CRISPLD2: variants seen among roughly 807,000 people sequenced by gnomAD.
CRISPLD2 encodes cysteine rich secretory protein LCCL domain containing 2.
A neutral mutation model predicts 71.1 loss-of-function variants in CRISPLD2; 47 were observed. That is an observed-to-expected ratio of 0.66 (90% confidence interval 0.52 to 0.84). The LOEUF (loss-of-function observed/expected upper bound fraction) is 0.84. Ranked by LOEUF, CRISPLD2 falls within the 40% of genes least tolerant of loss-of-function variation. CRISPLD2 has a pLI of 0.00. For synonymous variants in CRISPLD2, 317 were observed against 250.1 expected, an observed-to-expected ratio of 1.27 and a Z score of -2.52; for missense variants, 830 against 651.1, an observed-to-expected ratio of 1.27 and a Z score of -2.99.
intron 3 of CRISPLD2, among the ~76,000 whole-genome samples, chr16:84,847,940 G>A (rs1051980569): frequency 8.5e-5 from 13 of 152,164 alleles, no homozygotes; most frequent in African/African-American, 2.9e-4. Context: ...AAGTTGACCC[G>A]TTGGCTCTTG....
At chr16:84,867,983 G>A (rs553268244) in intron 7 of CRISPLD2, among the ~76,000 whole-genome samples, 5 of 152,306 alleles carry the variant, frequency 3.3e-5, no homozygotes, top group South Asian at 2.1e-4. Context: ...GTGGAGGGGC[G>A]TTTTTGCTCA....
chr16:84,867,342 G>T (rs898190812), intron 7 of CRISPLD2, among the ~76,000 whole-genome samples: 3 of 152,224 alleles, frequency 2.0e-5, no homozygotes, highest in African/African-American at 7.2e-5. Context: ...CTGAAGTTGG[G>T]TTCCTCTGGG....
At position 84,838,629 on chromosome 16, in the gene CRISPLD2, C is replaced by G. The variant is rs867693538; in HGVS notation, c.134C>G (p.Ser45Cys). 3 of 1,614,248 alleles carry G rather than the reference C, an allele frequency of 1.9e-6. No homozygotes were observed. The highest frequency in any genetic ancestry group is 2.2e-5 in the East Asian group (1 of 44,878). The change falls in exon 2 of 15, where the codon TCC becomes TGC. Residue 45 changes from serine (S) to cysteine (C), a missense_variant. By Grantham distance (112) the Ser-to-Cys change is moderately radical. Coordinates refer to ENST00000262424, the MANE Select transcript of CRISPLD2 (RefSeq NM_031476.4). ...LSKYQHNESHSRVRRAIPRED... is the reference protein window; with the variant it reads ...LSKYQHNESHCRVRRAIPRED... ...AAATACCAGCACAACGAGTCTCACT[C>G]CCGGGTCCGCAGAGCCATCCCCAGG...
Position 84,844,643 on chromosome 16 carries a change from G to A in CRISPLD2, c.241-1143G>A, listed in dbSNP as rs3937889. Among the ~76,000 whole-genome samples the A allele has an allele frequency of 3.4e-3, 514 of 152,162 alleles. 5 individuals are homozygous for A. Among genetic ancestry groups the A allele is most frequent in the Admixed American group, 0.023 (352 of 15,274 alleles). On this transcript the variant is annotated intron_variant, in intron 2 of 14. Coordinates refer to ENST00000262424, the MANE Select transcript of CRISPLD2 (RefSeq NM_031476.4). The stretch of plus-strand genomic sequence containing the variant: ...CTCGCAAAGTTCTGGGATTACAGGC[G>A]TGAGCCACTGCTCCGGGCCCATCTC...
intron 9 of CRISPLD2, 73 bp from the exon 10 acceptor site, chr16:84,872,919 T>G (rs2071483753): frequency 1.3e-6 from 2 of 1,532,702 alleles, no homozygotes. Flanking sequence ...GGACAAATGT[T>G]TGGGTATTTC....
chr16:84,848,401 A>C (rs957115495), intron 3 of CRISPLD2, among the ~76,000 whole-genome samples: 1 of 151,392 alleles, frequency 6.6e-6, no homozygotes, highest in East Asian at 1.9e-4. Context: ...CTTTGTTTAT[A>C]CTTGCTGGTG....
At chr16:84,845,710 G>T in intron 2 of CRISPLD2, 76 bp from the exon 3 acceptor site, 1 of 953,236 alleles carries the variant, frequency 1.0e-6, no homozygotes, top group Non-Finnish European at 1.6e-6. Context: ...CCCAGGCTGG[G>T]GCGTTGCTGT....
At chr16:84,844,632 G>C (rs1288963924) in intron 2 of CRISPLD2, among the ~76,000 whole-genome samples, 1 of 152,026 alleles carries the variant, frequency 6.6e-6, no homozygotes, top group African/African-American at 2.4e-5. Flanking sequence ...CAAAGTTCTG[G>C]GATTACAGGC....
intron 2 of CRISPLD2, among the ~76,000 whole-genome samples, chr16:84,843,764 A>T (rs191528555): frequency 6.6e-6 from 1 of 152,330 alleles, no homozygotes; most frequent in Non-Finnish European, 1.5e-5. Flanking sequence ...TGGTTACAGT[A>T]TGCAAGGCAG....
At chr16:84,900,979 G>A (rs1185181165) in intron 14 of CRISPLD2, among the ~76,000 whole-genome samples, 1 of 150,778 alleles carries the variant, frequency 6.6e-6, no homozygotes, top group Admixed American at 6.6e-5. Flanking sequence ...GAGCCCAGGA[G>A]GTTGAGGCTG....
chr16:84,874,094 A>G, intron 11 of CRISPLD2, 131 bp downstream of exon 11: 1 of 844,564 alleles, frequency 1.2e-6, no homozygotes, highest in Non-Finnish European at 1.9e-6. Flanking sequence ...ATCATTGTCA[A>G]GCCTTTTTCA....
intron 2 of CRISPLD2, chr16:84,842,351 C>G (rs1430324139): frequency 1.6e-5 from 2 of 123,830 alleles, no homozygotes; most frequent in African/African-American, 2.9e-5. Context: ...TTCTTTCCTT[C>G]CTTCTTTCCT....
rs780315187 is a variant in CRISPLD2 at position 84,884,893 on chromosome 16, G to A, written c.1305+4309G>A. Among the ~76,000 whole-genome samples, 14 of 152,292 alleles carry A rather than the reference G, an allele frequency of 9.2e-5. No individual in the cohort carries two copies. The East Asian group carries it at 9.7e-4, about 11-fold the overall frequency. Reference sequence around the variant, plus strand: ...TCAACCAGGAGGGTGCCCCTCCCCCGCCAGGGCTTTTAGAGGTTGAGTTTG... The same window carrying A: ...TCAACCAGGAGGGTGCCCCTCCCCCACCAGGGCTTTTAGAGGTTGAGTTTG... On this transcript the variant is annotated intron_variant, in intron 13 of 14. Coordinates refer to ENST00000262424, the MANE Select transcript of CRISPLD2 (RefSeq NM_031476.4).
rs2071819446 is a variant in CRISPLD2 at position 84,907,940 on chromosome 16, C to T, written c.*1298C>T. 2.6e-5 allele frequency: 4 copies of T among 152,196 alleles called. No individual in the cohort carries two copies. The South Asian group carries it at 8.3e-4, about 32-fold the overall frequency. 9.4% of individuals were successfully genotyped at this position (152,196 alleles called of 1,614,324 possible). ...AAAGCCCACAGTGAAATGAAGTACC[C>T]TTTTGTAAATAGCATTTTTTTGCAG... On this transcript the variant is annotated 3_prime_UTR_variant, in exon 15 of 15. Transcript: ENST00000262424.
At chr16:84,896,927 G>T (rs563303536) in intron 14 of CRISPLD2, among the ~76,000 whole-genome samples, 2 of 152,334 alleles carry the variant, frequency 1.3e-5, no homozygotes, top group South Asian at 4.1e-4. Flanking sequence ...TTCCCTGTCT[G>T]CCTCTGGAAC....
chr16:84,885,256 C>G (rs774205), intron 13 of CRISPLD2, among the ~76,000 whole-genome samples: 61,041 of 146,820 alleles, frequency 0.42, 12,972 homozygotes, highest in East Asian at 0.68. Context: ...GCTTACCAAA[C>G]TCGCCCCCGC....
chr16:84,872,410 C>T (rs757377904), intron 8 of CRISPLD2, 32 bp from the exon 9 acceptor site: 1 of 1,582,080 alleles, frequency 6.3e-7, no homozygotes, highest in South Asian at 1.1e-5. Context: ...ACGTGCTTAT[C>T]TCTGAACATC....
At chr16:84,838,912 A>C in intron 2 of CRISPLD2, 177 bp downstream of exon 2, 8 of 852,262 alleles carry the variant, frequency 9.4e-6, no homozygotes, top group Non-Finnish European at 1.5e-5. Context: ...GTTTTGAGAC[A>C]GGGTCTCACT....
intron 5 of CRISPLD2, 75 bp from the exon 6 acceptor site, chr16:84,854,654 G>A: frequency 9.5e-7 from 1 of 1,054,284 alleles, no homozygotes; most frequent in South Asian, 1.3e-5. Context: ...GACTCACGTG[G>A]GCCTTGGAAG....
Sources: allele counts gnomAD v4.1 joint callset (sites outside exome capture counted in the v4.1 genomes callset), GRCh38; gene constraint gnomAD v4.1.1; transcripts MANE v1.5; gene names NCBI Gene and HGNC (gene_info 2026-07-23, HGNC 2026-07-21).